Variants in ADAMTS12 observed in about 807,000 individuals in gnomAD.
The protein encoded by ADAMTS12 is ADAM metallopeptidase with thrombospondin type 1 motif 12, also known as A disintegrin and metalloproteinase with thrombospondin motifs 12.
A neutral mutation model predicts 167.8 loss-of-function variants in ADAMTS12; 118 were observed. That is an observed-to-expected ratio of 0.70 (90% CI 0.61 to 0.82). The LOEUF is 0.82. ADAMTS12 is among the 40% of genes least tolerant of loss of function. The probability of loss-of-function intolerance (pLI) is 0.00; values close to 1 mark genes in which losing one functional copy is unlikely to be tolerated. For synonymous variants in ADAMTS12, 704 were observed against 716.9 expected, an observed-to-expected ratio of 0.98 and a Z score of 0.29; for missense variants, 1,916 against 1,998.8, an observed-to-expected ratio of 0.96 and a Z score of 0.79.
intron 2 of ADAMTS12, among the ~76,000 whole-genome samples, chr5:33,847,944 G>A (rs1420648911): frequency 6.6e-6 from 1 of 152,178 alleles, no homozygotes; most frequent in East Asian, 1.9e-4. Context: ...GCCAGGTGCA[G>A]TGGCTTACAC....
Position 33,648,910 on chromosome 5 carries a change from T to G in ADAMTS12, c.1391A>C (p.Lys464Thr), listed in dbSNP as rs780506138. 1 of 1,614,072 alleles carries G rather than the reference T, an allele frequency of 6.2e-7. No individual in the cohort carries two copies. The highest frequency in any genetic ancestry group is 1.1e-5 in the South Asian group (1 of 91,064). Residue 464 changes from lysine (K) to threonine (T), a missense_variant, in exon 9 of 24, where the codon AAG becomes ACG. Physicochemically the swap from Lys to Thr is moderately conservative, Grantham distance 78 (BLOSUM62 -1). Coordinates refer to ENST00000504830, the MANE Select transcript of ADAMTS12 (RefSeq NM_030955.4). The stretch of plus-strand genomic sequence containing the variant: ...ATAGATCACTCCGGGGGCAATGACC[T>G]TGGACTTCAAGCCTTTCTTTTTAGG... Reference protein sequence around the residue: ...DIPKKKGLKSKVIAPGVIYDV... With the variant: ...DIPKKKGLKSTVIAPGVIYDV...
chr5:33,881,743 T>G (rs1476785963), intron 1 of ADAMTS12, among the ~76,000 whole-genome samples: 2 of 150,884 alleles, frequency 1.3e-5, no homozygotes, highest in Admixed American at 6.6e-5. Context: ...TGTTTTTTTT[T>G]TTTTTTTTTT....
At chr5:33,785,390 C>T (rs1006351737) in intron 2 of ADAMTS12, among the ~76,000 whole-genome samples, 7 of 151,936 alleles carry the variant, frequency 4.6e-5, no homozygotes, top group Non-Finnish European at 1.0e-4. Context: ...ATAATGCAGA[C>T]AGGGAAAAAT....
chr5:33,836,407 G>A (rs1212191305), intron 2 of ADAMTS12, among the ~76,000 whole-genome samples: 1 of 152,084 alleles, frequency 6.6e-6, no homozygotes, highest in Non-Finnish European at 1.5e-5. Flanking sequence ...TCTGGGAGAG[G>A]GTAAAGATCA....
rs538276568 is a variant in ADAMTS12, at chr5:33,587,557, C to T, written c.2865+1042G>A. 1.3e-3 allele frequency among the ~76,000 whole-genome samples: 198 copies of T among 152,306 alleles called. 1 individual carries two copies. Among genetic ancestry groups the T allele is most frequent in the Middle Eastern group, 6.8e-3 (2 of 294 alleles). ...ACAGCCTCGATCTCCCAGTCTCAAG[C>T]GATCCTCCTGCCTCAGCCACCCAAG... On this transcript the variant is annotated intron_variant, in intron 18 of 23. Coordinates refer to ENST00000504830, the MANE Select transcript of ADAMTS12 (RefSeq NM_030955.4).
At chr5:33,780,605 C>T (rs1418226975) in intron 2 of ADAMTS12, among the ~76,000 whole-genome samples, 1 of 152,144 alleles carries the variant, frequency 6.6e-6, no homozygotes, top group Admixed American at 6.6e-5. Context: ...TGGGCATTCC[C>T]TGTGTAAAAG....
At chr5:33,755,853 C>T (rs982375369) in intron 2 of ADAMTS12, among the ~76,000 whole-genome samples, 3 of 152,112 alleles carry the variant, frequency 2.0e-5, no homozygotes, top group Non-Finnish European at 4.4e-5. Flanking sequence ...ACAAAGACAA[C>T]ACAACACATT....
At chr5:33,563,013 G>A (rs1280865028) in intron 19 of ADAMTS12, among the ~76,000 whole-genome samples, 1 of 152,068 alleles carries the variant, frequency 6.6e-6, no homozygotes, top group Admixed American at 6.6e-5. Flanking sequence ...GAGTTCTTAG[G>A]TAGATAATCT....
chr5:33,554,194 T>A (rs1745386381), intron 20 of ADAMTS12, among the ~76,000 whole-genome samples: 1 of 152,220 alleles, frequency 6.6e-6, no homozygotes, highest in Admixed American at 6.5e-5. Flanking sequence ...CTCATGTGGC[T>A]GGCAAAATAG....
intron 12 of ADAMTS12, among the ~76,000 whole-genome samples, chr5:33,636,794 C>T (rs1258127461): frequency 6.6e-6 from 1 of 152,132 alleles, no homozygotes; most frequent in African/African-American, 2.4e-5. Context: ...CAACAAACAA[C>T]ACAAATATGT....
intron 3 of ADAMTS12, among the ~76,000 whole-genome samples, chr5:33,724,215 T>C (rs1743897863): frequency 6.6e-6 from 1 of 152,120 alleles, no homozygotes; most frequent in African/African-American, 2.4e-5. Context: ...CATAAAGCCC[T>C]TACTTTAAGT....
At chr5:33,550,795 C>T (rs1745220977) in intron 20 of ADAMTS12, among the ~76,000 whole-genome samples, 1 of 152,158 alleles carries the variant, frequency 6.6e-6, no homozygotes, top group Non-Finnish European at 1.5e-5. Flanking sequence ...GCAGAGCCTG[C>T]CCTGCCCTGC....
chr5:33,645,292 T>C (rs1368816601), intron 9 of ADAMTS12, among the ~76,000 whole-genome samples: 2 of 151,992 alleles, frequency 1.3e-5, no homozygotes, highest in Non-Finnish European at 2.9e-5. Flanking sequence ...CACCAGTATT[T>C]CCACACACCC....
At chr5:33,664,050 T>C (rs1579812766) in intron 5 of ADAMTS12, among the ~76,000 whole-genome samples, 2 of 152,252 alleles carry the variant, frequency 1.3e-5, no homozygotes, top group East Asian at 3.9e-4. Context: ...GATTTGAAGA[T>C]TCAACATAAT....
intron 22 of ADAMTS12, among the ~76,000 whole-genome samples, chr5:33,536,522 A>G (rs900195578): frequency 6.6e-6 from 1 of 152,076 alleles, no homozygotes; most frequent in Non-Finnish European, 1.5e-5. Flanking sequence ...CCTTCTGCCT[A>G]TTTAGTGGAG....
chr5:33,867,101 ACTACTGTGTAT>A (rs1339247712), intron 2 of ADAMTS12, among the ~76,000 whole-genome samples: 2 of 152,098 alleles, frequency 1.3e-5, no homozygotes, highest in Non-Finnish European at 2.9e-5. Context: ...CAGAAATCCC[ACTACTGTGTAT>A]CTACTCAAAG....
intron 2 of ADAMTS12, among the ~76,000 whole-genome samples, chr5:33,868,429 T>C (rs918342412): frequency 5.9e-5 from 9 of 152,318 alleles, no homozygotes; most frequent in Admixed American, 5.2e-4. Flanking sequence ...AAGTCCAGGC[T>C]AAGGTGGTCT....
In ADAMTS12 at chr5:33,631,000, A is replaced by T. The variant is rs1346621508; in HGVS notation, c.1889-87T>A. The T allele has an allele frequency of 5.3e-6, 8 of 1,509,518 alleles. No homozygotes were observed. The African/African-American group carries it at 1.1e-4, about 21-fold the overall frequency. 93.5% of individuals were successfully genotyped at this position (1,509,518 alleles called of 1,614,324 possible). ...GGATTCCTCCGTACTTAGGACCCCCAAGTGTCATTTACTCTGGCAATCCCA... is the reference window on the plus strand; with the variant it reads ...GGATTCCTCCGTACTTAGGACCCCCTAGTGTCATTTACTCTGGCAATCCCA... On this transcript the variant is annotated intron_variant, in intron 12 of 23. Transcript: ENST00000504830.
chr5:33,548,702 GCACACA>G (rs55980424), intron 21 of ADAMTS12, among the ~76,000 whole-genome samples: 3 of 148,868 alleles, frequency 2.0e-5, no homozygotes, highest in African/African-American at 4.9e-5. Context: ...CATAAAGAGA[GCACACA>G]CACACACACA....
Sources: allele counts gnomAD v4.1 joint callset (sites outside exome capture counted in the v4.1 genomes callset), GRCh38; gene constraint gnomAD v4.1.1; transcripts MANE v1.5; gene names NCBI Gene and HGNC (gene_info 2026-07-23, HGNC 2026-07-21).